The following CLSTN1 variants were observed in gnomAD, a reference collection of about 807,000 sequenced individuals.
CLSTN1 encodes the protein calsyntenin 1, also known as calsyntenin-1.
In CLSTN1, 28 loss-of-function variants were observed where a neutral mutation model predicts 108.3. The ratio of observed to expected loss-of-function variants is 0.26; its 90% CI spans 0.19 to 0.35. The LOEUF (loss-of-function observed/expected upper bound fraction) is 0.35. Ranked by LOEUF, CLSTN1 falls within the 10% of genes least tolerant of loss-of-function variation. The pLI is 1.00. For synonymous variants in CLSTN1, 524 were observed against 534.9 expected (o/e 0.98, Z 0.28); for missense variants, 1,157 against 1,302.6 (o/e 0.89, Z 1.72).
intron 1 of CLSTN1, among the ~76,000 whole-genome samples, chr1:9,784,511 AAAAG>A (rs1276836012): frequency 2.0e-5 from 3 of 152,224 alleles, no homozygotes; most frequent in African/African-American, 7.2e-5. Context: ...CTCTAAAGAA[AAAAG>A]AAACCCACTG....
chr1:9,750,813 G>A (rs1651522118), intron 5 of CLSTN1, among the ~76,000 whole-genome samples: 2 of 151,730 alleles, frequency 1.3e-5, no homozygotes, highest in African/African-American at 4.9e-5. Context: ...CACTTTGGGA[G>A]GCCAAGGTGG....
rs141688437 is a variant in CLSTN1 at position 9,807,506 on chromosome 1, T to C, written c.91+16137A>G. On this transcript the variant is annotated intron_variant, in intron 1 of 18. Transcript: ENST00000377298. ...AGGGAGTAAATTTACTTCATATAGA[T>C]TTAGGAACTTGGTAAATTCAAGTAA... 1.1e-4 allele frequency among the ~76,000 whole-genome samples: 17 copies of C among 152,346 alleles called. No homozygotes were observed. The East Asian group carries it at 2.9e-3, about 26-fold the overall frequency.
At chr1:9,754,037 G>T (rs1422418449) in intron 4 of CLSTN1, among the ~76,000 whole-genome samples, 1 of 150,470 alleles carries the variant, frequency 6.6e-6, no homozygotes, top group Non-Finnish European at 1.5e-5. Flanking sequence ...AAACTCCTAG[G>T]CTCAAGCAAT....
chr1:9,808,694 G>A (rs1654608291), intron 1 of CLSTN1, among the ~76,000 whole-genome samples: 2 of 151,992 alleles, frequency 1.3e-5, no homozygotes, highest in African/African-American at 4.8e-5. Flanking sequence ...AATAACACGT[G>A]CCCGAGCTCT....
chr1:9,805,775 G>A (rs2101291222), intron 1 of CLSTN1, among the ~76,000 whole-genome samples: 1 of 150,518 alleles, frequency 6.6e-6, no homozygotes, highest in Admixed American at 6.7e-5. Context: ...GCTGAGGCAG[G>A]AGAATCGCTT....
Position 9,785,077 on chromosome 1 carries a change from A to C in CLSTN1, c.92-11683T>G, listed in dbSNP as rs547645682. On this transcript the variant is annotated intron_variant, in intron 1 of 18. Coordinates refer to ENST00000377298, the MANE Select transcript of CLSTN1 (RefSeq NM_001009566.3). Reference sequence around the variant, plus strand: ...AACTACAATGTGTGCCACCACTCCCAGCTAATTTTTGTTATTTTTAGAGGA... The same window carrying C: ...AACTACAATGTGTGCCACCACTCCCCGCTAATTTTTGTTATTTTTAGAGGA... Among the ~76,000 whole-genome samples, 20 of 146,424 alleles carry C rather than the reference A, an allele frequency of 1.4e-4. No homozygotes were observed. The South Asian group carries it at 4.1e-3, about 30-fold the overall frequency.
intron 1 of CLSTN1, among the ~76,000 whole-genome samples, chr1:9,813,264 G>A (rs1654839256): frequency 6.6e-6 from 1 of 152,020 alleles, no homozygotes; most frequent in South Asian, 2.1e-4. Context: ...TTGGGAGGCT[G>A]AGGCGGGTGA....
intron 1 of CLSTN1, among the ~76,000 whole-genome samples, chr1:9,775,356 CG>C (rs1652885162): frequency 6.6e-6 from 1 of 151,682 alleles, no homozygotes; most frequent in South Asian, 2.1e-4. Context: ...GGTGATGGCC[CG>C]GATCACTGGA....
At chr1:9,788,867 C>CAAA (rs56093052) in intron 1 of CLSTN1, among the ~76,000 whole-genome samples, 7 of 76,260 alleles carry the variant, frequency 9.2e-5, no homozygotes, top group Admixed American at 3.4e-4. Context: ...GACTCCGTCT[C>CAAA]AAAAAAAAAA....
At chr1:9,739,903 G>A (rs1423645494) in intron 10 of CLSTN1, among the ~76,000 whole-genome samples, 8 of 146,478 alleles carry the variant, frequency 5.5e-5, no homozygotes, top group Non-Finnish European at 1.0e-4. Flanking sequence ...TGCAAGCTCC[G>A]CCTCCTGGGT....
In CLSTN1 at chr1:9,735,944, A is replaced by G; in HGVS notation, c.1675T>C (p.Tyr559His). ...AGGTCCAGCCCCTCCTTGCAGGTATACAGACAGTCGATCACCTTCTTATCC... is the reference window on the plus strand; with the variant it reads ...AGGTCCAGCCCCTCCTTGCAGGTATGCAGACAGTCGATCACCTTCTTATCC... ...LADKKVIDCL[Y>H]TCKEGLDLQV... The change falls in exon 12 of 19, where the codon TAT (tyrosine) becomes CAT (histidine). Residue 559 changes from tyrosine to histidine, a missense_variant. Physicochemically the swap from Tyr to His is moderately conservative, Grantham distance 83. Transcript: ENST00000377298. 6.2e-7 allele frequency: 1 copy of G among 1,614,166 alleles called. No homozygotes were observed. The highest frequency in any genetic ancestry group is 8.5e-7 in the Non-Finnish European group (1 of 1,180,024).
intron 2 of CLSTN1, among the ~76,000 whole-genome samples, chr1:9,760,092 A>G (rs1226987698): frequency 6.6e-6 from 1 of 151,864 alleles, no homozygotes; most frequent in Non-Finnish European, 1.5e-5. Context: ...TTTTAGAGAC[A>G]GGGTTTCCCT....
Position 9,749,481 on chromosome 1 carries a change from T to G in CLSTN1, c.965A>C (p.Lys322Thr). The G allele has an allele frequency of 2.5e-6, 4 of 1,612,326 alleles. No homozygotes were observed. The highest frequency in any genetic ancestry group is 3.4e-6 in the Non-Finnish European group (4 of 1,179,570). ...CTTACCACAGAGCCGGTGGAGGGAC[T>G]TCTCTGAGTAGGTGTCTCGGTCGCA... ...KGCDRDTYSE[K>T]SLHRLCGAAA... is the part of the protein sequence containing the mutation. Residue 322 changes from lysine (K) to threonine (T), a missense_variant, in exon 7 of 19, where the codon AAG becomes ACG. Lys to Thr is a moderately conservative substitution (Grantham distance 78). Transcript: ENST00000377298.
Position 9,823,697 on chromosome 1 carries a change from C to A in CLSTN1, c.37G>T (p.Ala13Ser), listed in dbSNP as rs1655282246. ...AGCAGCCCGGCCAGCAGCAGCCGGG[C>A]GGCCGGGGCCAGCGCGGGAGCGGGG... Reference protein sequence around the residue: ...RRPAPALAPAARLLLAGLLCG... With the variant: ...RRPAPALAPASRLLLAGLLCG... The change falls in exon 1 of 19, where the codon GCC (alanine) becomes TCC (serine). Residue 13 changes from alanine to serine, a missense_variant. By Grantham distance (99) the Ala-to-Ser change is moderately conservative (BLOSUM62 1). Transcript: ENST00000377298. This position sits in a 1 kb window ranked among gnomAD's most constrained non-coding sequence, Gnocchi z 6.3. 8.8e-6 allele frequency: 10 copies of A among 1,138,282 alleles called. No individual in the cohort carries two copies. The highest frequency in any genetic ancestry group is 9.7e-6 in the Non-Finnish European group (9 of 928,104). 70.5% of individuals were successfully genotyped at this position (1,138,282 alleles called of 1,614,324 possible).
intron 1 of CLSTN1, among the ~76,000 whole-genome samples, chr1:9,817,096 G>T (rs1655003003): frequency 6.6e-6 from 1 of 152,200 alleles, no homozygotes; most frequent in Non-Finnish European, 1.5e-5. Flanking sequence ...GCCAGGTGCG[G>T]TAGCTCATAC....
At chr1:9,736,542 G>A (rs540651647) in intron 11 of CLSTN1, among the ~76,000 whole-genome samples, 3 of 152,270 alleles carry the variant, frequency 2.0e-5, no homozygotes, top group East Asian at 3.9e-4. Context: ...AGGATGCTAT[G>A]GTGTTAAGTC....
At chr1:9,777,510 G>A (rs925795179) in intron 1 of CLSTN1, among the ~76,000 whole-genome samples, 15 of 152,108 alleles carry the variant, frequency 9.9e-5, no homozygotes, top group African/African-American at 3.6e-4. Context: ...ACAACAGAGC[G>A]AGACTATGTC....
intron 1 of CLSTN1, among the ~76,000 whole-genome samples, chr1:9,793,812 G>C (rs970069945): frequency 6.6e-6 from 1 of 151,424 alleles, no homozygotes; most frequent in South Asian, 2.2e-4. Flanking sequence ...GAAATGTAAC[G>C]TACAGAATTT....
chr1:9,741,135 G>C lies in CLSTN1; in HGVS notation c.1478C>G (p.Ser493Cys). 6.2e-7 allele frequency: 1 copy of C among 1,614,112 alleles called. No individual in the cohort carries two copies. Among genetic ancestry groups the C allele is most frequent in the Non-Finnish European group, 8.5e-7 (1 of 1,180,016 alleles). Reference protein sequence around the residue: ...SVTEDYPLHPSKIETQLVVGA... With the variant: ...SVTEDYPLHPCKIETQLVVGA... ...CACCACGAGCTGAGTTTCTATCTTG[G>C]ATGGATGGAGCGGGTAATCCTCAGT... The change falls in exon 10 of 19, where the codon TCC becomes TGC. Residue 493 changes from serine to cysteine, a missense_variant. Transcript: ENST00000377298.
Sources: gnomAD v4.1 joint callset for allele counts (sites outside exome capture counted in the v4.1 genomes callset) on GRCh38, gnomAD v4.1.1 for gene constraint, Gnocchi (gnomAD v3.1) non-coding constraint, MANE v1.5 for transcripts, NCBI Gene and HGNC (gene_info 2026-07-23, HGNC 2026-07-21) for gene names.